The following ABI3BP variants were observed in gnomAD, a reference collection of about 807,000 sequenced individuals.
ABI3BP encodes ABI family member 3 binding protein, also known as target of Nesh-SH3.
ABI3BP carries 216 observed loss-of-function variants against 268.6 expected under a neutral mutation model. The ratio of observed to expected loss-of-function variants is 0.80; its 90% CI spans 0.72 to 0.90. The LOEUF (loss-of-function observed/expected upper bound fraction) is 0.90. ABI3BP is among the 40% of genes least tolerant of loss of function. ABI3BP has a pLI of 0.00. For synonymous variants in ABI3BP, 730 were observed against 730.0 expected (o/e 1.00, Z 0.00); for missense variants, 2,090 against 2,182.4 (o/e 0.96, Z 0.84).
At chr3:100,927,946 T>A (rs2062353972) in intron 1 of ABI3BP, among the ~76,000 whole-genome samples, 1 of 150,112 alleles carries the variant, frequency 6.7e-6, no homozygotes, top group South Asian at 2.1e-4. Context: ...TTTTTTTGTG[T>A]CTTTTTTTTT....
chr3:100,846,652 C>T (rs2098772589), intron 19 of ABI3BP: 2 of 407,324 alleles, frequency 4.9e-6, no homozygotes, highest in East Asian at 3.8e-5. Flanking sequence ...TTAGAAAAAA[C>T]ATTTCAAGAG....
rs71299382 is a variant in ABI3BP at position 100,954,975 on chromosome 3, C to CTT, written c.80-28496_80-28495dup. On this transcript the variant is annotated intron_variant, in intron 1 of 67. Transcript: ENST00000471714. ...ATCCCTTTAATGTTTTAAATTTTGTCTTTTTTTTTTTTTTTTTTTTTTTTT... is the reference window on the plus strand; with the variant it reads ...ATCCCTTTAATGTTTTAAATTTTGTCTTTTTTTTTTTTTTTTTTTTTTTTTTT... Among the ~76,000 whole-genome samples, 140 of 94,754 alleles carry CTT rather than the reference C, an allele frequency of 1.5e-3. 3 individuals are homozygous for CTT. Among genetic ancestry groups the CTT allele is most frequent in the Admixed American group, 1.8e-3 (14 of 7,660 alleles). 62.2% of individuals were successfully genotyped at this position (94,754 alleles called of 152,430 possible). A position where few individuals can be genotyped will look rare whatever the true frequency, so the allele number is the denominator to read the frequency against.
intron 60 of ABI3BP, 140 bp downstream of exon 60, chr3:100,775,067 A>T: frequency 9.7e-7 from 1 of 1,026,402 alleles, no homozygotes; most frequent in Non-Finnish European, 1.4e-6. Flanking sequence ...GTATTATTTT[A>T]AAATTAAAAA....
intron 63 of ABI3BP, among the ~76,000 whole-genome samples, chr3:100,763,946 C>T (rs1028191029): frequency 6.6e-6 from 1 of 152,188 alleles, no homozygotes; most frequent in African/African-American, 2.4e-5. Flanking sequence ...GGGAGCAAGT[C>T]ATCCTCCCAA....
At chr3:100,957,243 T>A (rs1384681487) in intron 1 of ABI3BP, among the ~76,000 whole-genome samples, 1 of 152,150 alleles carries the variant, frequency 6.6e-6, no homozygotes, top group Non-Finnish European at 1.5e-5. Context: ...AGCTAAAAAA[T>A]TTGTAGATGA....
At chr3:100,798,945 G>A (rs760156639) in intron 51 of ABI3BP, among the ~76,000 whole-genome samples, 6 of 151,998 alleles carry the variant, frequency 3.9e-5, no homozygotes, top group Non-Finnish European at 7.4e-5. Flanking sequence ...AGGAAGCCCC[G>A]TTGGAGGCTA....
chr3:100,821,664 G>A (rs1389672095), intron 38 of ABI3BP, among the ~76,000 whole-genome samples: 7 of 147,822 alleles, frequency 4.7e-5, no homozygotes, highest in South Asian at 2.2e-4. Flanking sequence ...GTGCAGTGGC[G>A]CGATCTCGGC....
chr3:100,856,278 C>T (rs2098939031), intron 14 of ABI3BP, among the ~76,000 whole-genome samples: 1 of 152,204 alleles, frequency 6.6e-6, no homozygotes. Flanking sequence ...CTGATGACTG[C>T]AGCTTTCAAG....
At chr3:100,911,981 A>AAAAGC in intron 2 of ABI3BP, 1 of 827,484 alleles carries the variant, frequency 1.2e-6, no homozygotes, top group African/African-American at 1.7e-5. Flanking sequence ...AAAAGCTAAA[A>AAAAGC]AAAGCATGGA....
intron 6 of ABI3BP, among the ~76,000 whole-genome samples, chr3:100,880,943 G>A (rs1412650873): frequency 6.6e-6 from 1 of 151,896 alleles, no homozygotes; most frequent in East Asian, 1.9e-4. Flanking sequence ...TTTGGGTAGT[G>A]GTTAAAACAG....
chr3:100,754,150 A>G (rs2095491534), intron 64 of ABI3BP, among the ~76,000 whole-genome samples: 1 of 152,230 alleles, frequency 6.6e-6, no homozygotes, highest in African/African-American at 2.4e-5. Context: ...TTTGATAGAA[A>G]AACTTCATGG....
rs569580014 is a variant in ABI3BP, at chr3:100,749,830, T to C, written c.*665A>G. ...AAATGTATCTTTTGAAACAATATAT[T>C]AGACTCCATTTTTAGCTGAAATGAA... On this transcript the variant is annotated 3_prime_UTR_variant, in exon 68 of 68. Transcript: ENST00000471714. 2.0e-5 allele frequency: 8 copies of C among 397,258 alleles called. No homozygotes were observed. The highest frequency in any genetic ancestry group is 1.6e-4 in the African/African-American group (8 of 48,696). The allele number at this position is 397,258 out of a possible 1,614,324, so 24.6% of individuals were successfully genotyped here.
chr3:100,795,782 G>C (rs2097329008), intron 53 of ABI3BP, 22 bp downstream of exon 53: 1 of 1,283,632 alleles, frequency 7.8e-7, no homozygotes, highest in Non-Finnish European at 1.0e-6. Flanking sequence ...AACAGAGTTG[G>C]TCAATATGGG....
At chr3:100,850,826 G>A in intron 15 of ABI3BP, 92 bp from the exon 16 acceptor site, 2 of 946,434 alleles carry the variant, frequency 2.1e-6, no homozygotes, top group South Asian at 3.0e-5. Context: ...CCTCATATGA[G>A]GAAAAATATC....
intron 63 of ABI3BP, among the ~76,000 whole-genome samples, chr3:100,761,653 G>A (rs572189657): frequency 6.6e-6 from 1 of 152,198 alleles, no homozygotes; most frequent in Admixed American, 6.5e-5. Context: ...GAAAGGTAGG[G>A]GAATACTCCA....
At chr3:100,925,574 C>T (rs929227394) in intron 2 of ABI3BP, among the ~76,000 whole-genome samples, 1 of 151,908 alleles carries the variant, frequency 6.6e-6, no homozygotes. Context: ...GCTACCGTGC[C>T]TGGTAAATTT....
intron 49 of ABI3BP, 36 bp from the exon 50 acceptor site, chr3:100,808,271 C>G (rs1318999646): frequency 6.6e-7 from 1 of 1,521,470 alleles, no homozygotes. Context: ...AATCTTGAGC[C>G]CTTCAAGAAT....
intron 51 of ABI3BP, among the ~76,000 whole-genome samples, chr3:100,800,742 G>A (rs1354675369): frequency 6.6e-6 from 1 of 152,166 alleles, no homozygotes; most frequent in Non-Finnish European, 1.5e-5. Context: ...GCCTCCCAAA[G>A]TATTGGGATT....
chr3:100,870,280 AG>A (rs2099097123), intron 9 of ABI3BP, among the ~76,000 whole-genome samples: 4 of 152,318 alleles, frequency 2.6e-5, no homozygotes, highest in Middle Eastern at 3.4e-3. Flanking sequence ...TATCTGATAA[AG>A]GGTTAAGATC....
Sources: allele counts gnomAD v4.1 joint callset (sites outside exome capture counted in the v4.1 genomes callset), GRCh38; gene constraint gnomAD v4.1.1; transcripts MANE v1.5; gene names NCBI Gene and HGNC (gene_info 2026-07-23, HGNC 2026-07-21).